RYR3: variants seen among roughly 807,000 people sequenced by gnomAD.
RYR3 encodes ryanodine receptor 3.
In RYR3, 207 loss-of-function variants were observed where a neutral mutation model predicts 584.3. The ratio of observed to expected loss-of-function variants is 0.35; its 90% CI spans 0.32 to 0.40. The LOEUF (loss-of-function observed/expected upper bound fraction) is 0.40. Among genes scored for constraint, RYR3 ranks in the 10% least tolerant of loss-of-function variants. The probability of loss-of-function intolerance (pLI) is 1.00; values close to 1 mark genes in which losing one functional copy is unlikely to be tolerated. For missense variants in RYR3, 5,616 were observed against 6,089.2 expected (o/e 0.92, Z 2.59); for synonymous variants, 2,416 against 2,248.5 (o/e 1.07, Z -2.11).
At chr15:33,666,126 T>A (rs2063481581) in intron 36 of RYR3, among the ~76,000 whole-genome samples, 1 of 152,186 alleles carries the variant, frequency 6.6e-6, no homozygotes. Context: ...TGCCTCAGCC[T>A]CCCAAGTAGC....
At chr15:33,778,879 T>TCC (rs2074202516) in intron 64 of RYR3, among the ~76,000 whole-genome samples, 2 of 152,216 alleles carry the variant, frequency 1.3e-5, no homozygotes, top group Non-Finnish European at 2.9e-5. Flanking sequence ...GGGGCTGATT[T>TCC]TGAAGTTATC....
At chr15:33,634,868 T>G (rs2061427851) in intron 25 of RYR3, 135 bp downstream of exon 25, 7 of 719,614 alleles carry the variant, frequency 9.7e-6, no homozygotes, top group Non-Finnish European at 1.6e-5. Flanking sequence ...GACTAAATGG[T>G]GTGATTTTTT....
chr15:33,672,169 C>T (rs903359299), intron 38 of RYR3, among the ~76,000 whole-genome samples: 1 of 151,880 alleles, frequency 6.6e-6, no homozygotes, highest in Non-Finnish European at 1.5e-5. Context: ...GGGTGGGGTC[C>T]CACCAGGTGA....
chr15:33,560,638 G>A (rs2057350222), intron 10 of RYR3, among the ~76,000 whole-genome samples: 1 of 152,116 alleles, frequency 6.6e-6, no homozygotes, highest in South Asian at 2.1e-4. Context: ...TGGTTAGAGA[G>A]CAGATTAGAG....
At chr15:33,478,959 G>C (rs2049696124) in intron 2 of RYR3, among the ~76,000 whole-genome samples, 1 of 152,206 alleles carries the variant, frequency 6.6e-6, no homozygotes, top group Non-Finnish European at 1.5e-5. Flanking sequence ...AAGTCTTGAG[G>C]CTGTAGGTAT....
At chr15:33,374,042 A>C (rs1175909353) in intron 1 of RYR3, among the ~76,000 whole-genome samples, 1 of 152,212 alleles carries the variant, frequency 6.6e-6, no homozygotes, top group Non-Finnish European at 1.5e-5. Flanking sequence ...TCAGAAAACA[A>C]AATTGGCTGG....
intron 42 of RYR3, among the ~76,000 whole-genome samples, chr15:33,702,791 C>T (rs1301161590): frequency 6.6e-6 from 1 of 151,740 alleles, no homozygotes; most frequent in African/African-American, 2.4e-5. Context: ...AAGGGAGTCG[C>T]TGAGGAAAAG....
At chr15:33,415,900 T>A (rs543892140) in intron 1 of RYR3, among the ~76,000 whole-genome samples, 1 of 152,176 alleles carries the variant, frequency 6.6e-6, no homozygotes, top group Non-Finnish European at 1.5e-5. Flanking sequence ...CAGTGTTCAT[T>A]GTTCCCATCT....
At chr15:33,405,086 AT>A (rs1394973476) in intron 1 of RYR3, among the ~76,000 whole-genome samples, 1 of 152,216 alleles carries the variant, frequency 6.6e-6, no homozygotes, top group Non-Finnish European at 1.5e-5. Flanking sequence ...GATAATGTTT[AT>A]GGAAACATTA....
chr15:33,660,895 C>G (rs1439211435), intron 34 of RYR3, among the ~76,000 whole-genome samples: 1 of 152,102 alleles, frequency 6.6e-6, no homozygotes, highest in Non-Finnish European at 1.5e-5. Flanking sequence ...CTCTTTTCAT[C>G]TACACAGTGA....
At chr15:33,758,043 G>A (rs371115092) in intron 60 of RYR3, among the ~76,000 whole-genome samples, 4 of 152,294 alleles carry the variant, frequency 2.6e-5, no homozygotes, top group East Asian at 1.9e-4. Context: ...GCAGGGGTTG[G>A]GGAACTCCCT....
chr15:33,339,343 G>A (rs1424772099), intron 1 of RYR3, among the ~76,000 whole-genome samples: 1 of 152,190 alleles, frequency 6.6e-6, no homozygotes, highest in African/African-American at 2.4e-5. Context: ...CCGTATTTTG[G>A]AGAGGATGAA....
chr15:33,590,820 C>T (rs1218626297), intron 16 of RYR3, among the ~76,000 whole-genome samples: 2 of 152,060 alleles, frequency 1.3e-5, no homozygotes, highest in Non-Finnish European at 2.9e-5. Context: ...TGTAAAAATT[C>T]TTCCTGTACC....
intron 1 of RYR3, among the ~76,000 whole-genome samples, chr15:33,328,268 C>T (rs1321791371): frequency 6.6e-6 from 1 of 152,208 alleles, no homozygotes; most frequent in Admixed American, 6.5e-5. Context: ...CATGAGTTCC[C>T]TGTGTGGGCT....
chr15:33,602,612 G>A (rs894882268), intron 17 of RYR3, among the ~76,000 whole-genome samples: 3 of 151,944 alleles, frequency 2.0e-5, no homozygotes, highest in Non-Finnish European at 2.9e-5. Context: ...CTCAGTAAAC[G>A]TTGGTTGCCT....
intron 1 of RYR3, among the ~76,000 whole-genome samples, chr15:33,336,501 A>AGAAGGAGGGAAGGAGG (rs1236824129): frequency 1.0e-3 from 20 of 19,108 alleles, no homozygotes; most frequent in Non-Finnish European, 1.1e-3. Context: ...AAAGAAAGAA[A>AGAAGGAGGGAAGGAGG]GAAGGAGGGA....
chr15:33,749,884 G>A (rs966419054), intron 55 of RYR3, 95 bp from the exon 56 acceptor site: 2 of 1,012,532 alleles, frequency 2.0e-6, no homozygotes, highest in Non-Finnish European at 3.0e-6. Flanking sequence ...TCAGTGGTGT[G>A]CTTTTCCCGA....
intron 16 of RYR3, among the ~76,000 whole-genome samples, chr15:33,595,720 C>A (rs189634297): frequency 5.8e-4 from 88 of 152,158 alleles, no homozygotes; most frequent in African/African-American, 2.0e-3. Context: ...ACTTGGTGTC[C>A]TTTTTAGACC....
At chr15:33,826,202 T>A (rs987954464) in intron 82 of RYR3, 50 bp from the exon 83 acceptor site, 20 of 1,569,538 alleles carry the variant, frequency 1.3e-5, no homozygotes, top group Non-Finnish European at 1.6e-5. Flanking sequence ...TTTATCATGA[T>A]GTTTACAGTT....
Sources: allele counts gnomAD v4.1 joint callset (sites outside exome capture counted in the v4.1 genomes callset), GRCh38; gene constraint gnomAD v4.1.1; transcripts MANE v1.5; gene names NCBI Gene and HGNC (gene_info 2026-07-23, HGNC 2026-07-21).